The following PBXIP1 variants were observed in gnomAD, a reference collection of about 807,000 sequenced individuals.
The protein encoded by PBXIP1 is PBX homeobox interacting protein 1.
PBXIP1 carries 73 observed loss-of-function variants against 73.7 expected under a neutral mutation model. That is an observed-to-expected ratio of 0.99 (90% CI 0.82 to 1.20). The LOEUF (loss-of-function observed/expected upper bound fraction) is 1.20. Among genes scored for constraint, PBXIP1 ranks in the 50% most tolerant of loss-of-function variants. The probability of loss-of-function intolerance (pLI) is 0.00; values close to 1 mark genes in which losing one functional copy is unlikely to be tolerated. For missense variants in PBXIP1, 818 were observed against 911.4 expected (o/e 0.90, Z 1.32); for synonymous variants, 330 against 366.9 (o/e 0.90, Z 1.15).
rs760153138 is a variant in PBXIP1, at chr1:154,951,305, T to G, written c.336A>C (p.Thr112=). The G allele has an allele frequency of 3.0e-5, 48 of 1,614,150 alleles. No individual in the cohort carries two copies. The highest frequency in any genetic ancestry group is 4.0e-5 in the Non-Finnish European group (47 of 1,179,982). ...GGTCCTGTGTGTCTGGTCCCAGGCCTGTCACCACGGTGGTCTCCTGCAGGT... is the reference window on the plus strand; with the variant it reads ...GGTCCTGTGTGTCTGGTCCCAGGCCGGTCACCACGGTGGTCTCCTGCAGGT... The part of the protein sequence containing the change: ...QGDLQETTVV[T]GLGPDTQDLE... The change falls in exon 5 of 11, where the codon ACA becomes ACC. Residue 112 remains threonine (T), a synonymous_variant. Transcript: ENST00000368463. The surrounding 1 kb of genome is among the most constrained non-coding windows in gnomAD (Gnocchi z 4.3).
rs74116261 is a variant in PBXIP1, at chr1:154,944,770, A to G, written c.*254T>C. ...AGGCTCCTCTCCCATCTCCCCCTTC[A>G]CAGTGACAAAACACAAGCCCACATC... is the stretch of plus-strand genomic sequence containing the variant. On this transcript the variant is annotated 3_prime_UTR_variant, in exon 11 of 11. Transcript: ENST00000368463. The G allele has an allele frequency of 5.7e-3, 2,643 of 459,794 alleles. 65 individuals are homozygous for G. Among genetic ancestry groups the G allele is most frequent in the African/African-American group, 0.048 (2,425 of 50,322 alleles). 28.5% of individuals were successfully genotyped at this position (459,794 alleles called of 1,614,324 possible).
intron 1 of PBXIP1, among the ~76,000 whole-genome samples, chr1:154,955,828 C>G (rs759482113): frequency 1.3e-5 from 2 of 152,200 alleles, no homozygotes; most frequent in Non-Finnish European, 2.9e-5. Flanking sequence ...AGTCTCGCCT[C>G]TAGTTAATTT....
At chr1:154,955,018 A>G (rs1379720180) in intron 1 of PBXIP1, 1 of 957,904 alleles carries the variant, frequency 1.0e-6, no homozygotes, top group East Asian at 1.2e-4. Flanking sequence ...GTGGTGCCCT[A>G]AGTAACCTCC....
At chr1:154,954,882 G>A (rs1655128121) in intron 1 of PBXIP1, 1 of 655,100 alleles carries the variant, frequency 1.5e-6, no homozygotes, top group African/African-American at 2.0e-5. Flanking sequence ...CAGGATAAAT[G>A]ACTGCTTCCC....
chr1:154,951,370 C>G lies in PBXIP1; in HGVS notation c.271G>C (p.Val91Leu), dbSNP rs759513344. 2.9e-5 allele frequency: 47 copies of G among 1,614,050 alleles called. No homozygotes were observed. The East Asian group carries it at 1.0e-3, about 36-fold the overall frequency. The change falls in exon 5 of 11, where the codon GTG (valine) becomes CTG (leucine). Residue 91 changes from valine to leucine, a missense_variant. Physicochemically the swap from Val to Leu is conservative, Grantham distance 32 (BLOSUM62 1). Transcript: ENST00000368463. The surrounding 1 kb of genome is among the most constrained non-coding windows in gnomAD (Gnocchi z 4.3). ...GTGTCTCCTGGGCCAGGAGGCTCCA[C>G]ACCACAAACATCACCTTCCAGGGTG... ...KGTLEGDVCG[V>L]EPPGPGDTVV...
At chr1:154,947,899 G>GC (rs1558038710) in intron 7 of PBXIP1, 83 bp downstream of exon 7, 5 of 1,471,810 alleles carry the variant, frequency 3.4e-6, no homozygotes, top group East Asian at 2.3e-5. Flanking sequence ...ATAAATGTGA[G>GC]CCCCCAGCAC....
At chr1:154,945,285 G>T (rs916316133) in intron 10 of PBXIP1, among the ~76,000 whole-genome samples, 168 bp from the exon 11 acceptor site, 2 of 152,188 alleles carry the variant, frequency 1.3e-5, no homozygotes, top group African/African-American at 4.8e-5. Context: ...GGGGAGACAG[G>T]AAGATGGGGA....
At chr1:154,948,530 T>C in intron 5 of PBXIP1, 164 bp from the exon 6 acceptor site, 1 of 589,434 alleles carries the variant, frequency 1.7e-6, no homozygotes, top group Admixed American at 3.2e-5. Context: ...GCCTGGGCAT[T>C]GATGACTGTC....
rs565790485 is a variant in PBXIP1, at chr1:154,948,320, G to A, written c.456C>T (p.Thr152=). ...EGRCSSSDDD[T]DVDMEGLRRR... is the part of the protein sequence containing the mutation. The stretch of plus-strand genomic sequence containing the variant: ...TCCGCAGACCCTCCATGTCCACGTC[G>A]GTGTCATCGTCACTGCTGGAGCAGC... Residue 152 remains threonine (T), a synonymous_variant, in exon 6 of 11, where the codon ACC becomes ACT. Transcript: ENST00000368463. The A allele has an allele frequency of 9.3e-6, 15 of 1,609,482 alleles. No homozygotes were observed. In the African/African-American group the frequency reaches 9.3e-5, roughly 10 times the overall value.
chr1:154,954,584 G>A (rs947982954), intron 1 of PBXIP1, among the ~76,000 whole-genome samples: 6 of 152,176 alleles, frequency 3.9e-5, no homozygotes, highest in Non-Finnish European at 8.8e-5. Context: ...TGGATTTATG[G>A]CAACTATCAT....
Position 154,951,739 on chromosome 1 carries a change from C to T in PBXIP1, c.178+56G>A. 6.3e-7 allele frequency: 1 copy of T among 1,593,516 alleles called. No individual in the cohort carries two copies. The highest frequency in any genetic ancestry group is 1.1e-5 in the South Asian group (1 of 87,930). On this transcript the variant is annotated intron_variant, in intron 3 of 10. Coordinates refer to ENST00000368463, the MANE Select transcript of PBXIP1 (RefSeq NM_020524.4). The surrounding 1 kb of genome is among the most constrained non-coding windows in gnomAD (Gnocchi z 4.3). ...TTTCTCTGAGGAAACTGAGAAACCC[C>T]AAAATATGGAGAATAGCTTTGTCCG...
At position 154,946,106 on chromosome 1, in the gene PBXIP1, C is replaced by T. The variant is rs760808622; in HGVS notation, c.1568G>A (p.Arg523Lys). Residue 523 changes from arginine (R) to lysine (K), a missense_variant, in exon 10 of 11, where the codon AGG becomes AAG. Physicochemically the swap from Arg to Lys is conservative, Grantham distance 26. Transcript: ENST00000368463. ...PAGRWKEGRPRVEESGSKKEG... is the reference protein window; with the variant it reads ...PAGRWKEGRPKVEESGSKKEG... ...CTTCTTGCTCCCCGACTCCTCCACC[C>T]TTGGCCTGCCCTCCTTCCACCTTCC... 6.2e-7 allele frequency: 1 copy of T among 1,614,126 alleles called. No homozygotes were observed. The highest frequency in any genetic ancestry group is 1.1e-5 in the South Asian group (1 of 91,092).
intron 10 of PBXIP1, 47 bp downstream of exon 10, chr1:154,945,525 C>T (rs1442600293): frequency 1.0e-5 from 16 of 1,565,964 alleles, no homozygotes; most frequent in Non-Finnish European, 1.4e-5. Context: ...TCACATCCTC[C>T]CGACTGCCTC....
chr1:154,948,779 T>C (rs1017588345), intron 5 of PBXIP1, among the ~76,000 whole-genome samples: 24 of 152,096 alleles, frequency 1.6e-4, no homozygotes, highest in South Asian at 6.2e-4. Flanking sequence ...TCTCTGCTCT[T>C]CTCACTGTAC....
Position 154,946,630 on chromosome 1 carries a change from GC to G in PBXIP1, c.1043del (p.Gly348AlafsTer34). The G allele has an allele frequency of 6.2e-7, 1 of 1,612,274 alleles. No homozygotes were observed. On this transcript the variant is annotated frameshift_variant, in exon 10 of 11. Coordinates refer to ENST00000368463, the MANE Select transcript of PBXIP1 (RefSeq NM_020524.4). LOFTEE classifies it high-confidence loss of function. The stretch of plus-strand genomic sequence containing the variant: ...CCCCACTGAGGCACACCCCATCTGG[GC>G]CCCGGACACAGTCGGCCTCCAGCCC... ...LQGLEADCVR[G>X]PDGVCLSGGR...
chr1:154,948,142 G>C lies in PBXIP1; in HGVS notation c.634C>G (p.Leu212Val). The C allele has an allele frequency of 6.3e-7, 1 of 1,581,922 alleles. No homozygotes were observed. The highest frequency in any genetic ancestry group is 1.2e-5 in the South Asian group (1 of 86,348). The change falls in exon 6 of 11, where the codon CTC becomes GTC. Residue 212 changes from leucine to valine, a missense_variant. By Grantham distance (32) the Leu-to-Val change is conservative. Transcript: ENST00000368463. ...ALVLLGLGVL[L>V]FSGGLSESET... is the part of the protein sequence containing the mutation. ...CAGAGGTACCACTCACCTGAGAAGA[G>C]GAGGACCCCCAGGCCAAGCAGAACC...
intron 2 of PBXIP1, among the ~76,000 whole-genome samples, chr1:154,952,563 T>G (rs746549540): frequency 6.6e-6 from 1 of 152,202 alleles, no homozygotes; most frequent in Non-Finnish European, 1.5e-5. Context: ...GGCCCTGGCC[T>G]GCCACCCGCC....
chr1:154,953,074 G>A (rs769325787), intron 2 of PBXIP1, among the ~76,000 whole-genome samples: 4 of 152,058 alleles, frequency 2.6e-5, no homozygotes, highest in African/African-American at 4.8e-5. Context: ...TCCTCAGTGG[G>A]CTTCTGCCCC....
rs751683861 is a variant in PBXIP1, at chr1:154,945,843, G to A, written c.1831C>T (p.Arg611Trp). 4.3e-5 allele frequency: 70 copies of A among 1,614,156 alleles called. 1 individual carries two copies. The highest frequency in any genetic ancestry group is 1.8e-4 in the South Asian group (16 of 91,088). The change falls in exon 10 of 11, where the codon CGG becomes TGG. Residue 611 changes from arginine (R) to tryptophan (W), a missense_variant. Physicochemically the swap from Arg to Trp is moderately radical, Grantham distance 101. Coordinates refer to ENST00000368463, the MANE Select transcript of PBXIP1 (RefSeq NM_020524.4). ...AGCAGAGAGGCCAGCTCCTGTTGCCGCACTGGGGCTAGCTCTGTGCCAAAG... is the reference window on the plus strand; with the variant it reads ...AGCAGAGAGGCCAGCTCCTGTTGCCACACTGGGGCTAGCTCTGTGCCAAAG... ...TFFGTELAPVRQQELASLLRT... is the reference protein window; with the variant it reads ...TFFGTELAPVWQQELASLLRT...
Sources: allele counts gnomAD v4.1 joint callset (sites outside exome capture counted in the v4.1 genomes callset), GRCh38; gene constraint gnomAD v4.1.1; non-coding constraint Gnocchi (gnomAD v3.1); transcripts MANE v1.5; gene names NCBI Gene and HGNC (gene_info 2026-07-23, HGNC 2026-07-21).